The following ZNF529 variants were observed in gnomAD, a reference collection of about 807,000 sequenced individuals.
ZNF529 encodes the protein zinc finger protein 529.
In ZNF529, 11 loss-of-function variants were observed where a neutral mutation model predicts 10.1. The ratio of observed to expected loss-of-function variants is 1.09; its 90% confidence interval spans 0.69 to 1.81. The LOEUF is 1.81. Ranked by LOEUF, ZNF529 falls within the 40% of genes most tolerant of loss-of-function variation. The probability of loss-of-function intolerance (pLI) is 0.00; values close to 1 mark genes in which losing one functional copy is unlikely to be tolerated. For synonymous variants in ZNF529, 204 were observed against 215.7 expected, an observed-to-expected ratio of 0.95 and a Z score of 0.47; for missense variants, 624 against 666.8, an observed-to-expected ratio of 0.94 and a Z score of 0.71.
chr19:36,578,841 G>T (rs2145234833), intron 2 of ZNF529, among the ~76,000 whole-genome samples: 1 of 151,628 alleles, frequency 6.6e-6, no homozygotes, highest in Non-Finnish European at 1.5e-5. Context: ...CAAGTGATCT[G>T]CCAGCCTTGG....
intron 2 of ZNF529, among the ~76,000 whole-genome samples, chr19:36,588,996 G>A (rs1459122915): frequency 6.7e-6 from 1 of 149,746 alleles, no homozygotes; most frequent in Non-Finnish European, 1.5e-5. Flanking sequence ...AGGCTGGAGT[G>A]CAATGGCACA....
intron 2 of ZNF529, chr19:36,582,605 G>A (rs1192429283): frequency 6.6e-6 from 1 of 151,812 alleles, no homozygotes; most frequent in African/African-American, 2.4e-5. Context: ...CTACTCGGGA[G>A]GCTGAGGCAG....
chr19:36,576,713 T>C (rs1288365345), upstream of ZNF529, among the ~76,000 whole-genome samples: 1 of 147,922 alleles, frequency 6.8e-6, no homozygotes, highest in Non-Finnish European at 1.5e-5. Flanking sequence ...CAAGACTCCG[T>C]CTCAAAATAA....
chr19:36,572,457 T>G lies in ZNF529; in HGVS notation c.-46-65A>C. The G allele has an allele frequency of 2.3e-6, 3 of 1,302,304 alleles. No individual in the cohort carries two copies. The South Asian group carries it at 4.0e-5, about 18-fold the overall frequency. 80.7% of individuals were successfully genotyped at this position (1,302,304 alleles called of 1,614,324 possible). ...GACTGGTTAAATAAGAACACAGTGT[T>G]CACCACCAGAAAAGCCCATCACACA... On this transcript the variant is annotated intron_variant, in intron 1 of 4. Transcript: ENST00000591340.
intron 2 of ZNF529, among the ~76,000 whole-genome samples, chr19:36,562,302 A>G (rs1176028747): frequency 1.3e-5 from 2 of 152,216 alleles, no homozygotes; most frequent in African/African-American, 4.8e-5. Context: ...TCACAGGTAC[A>G]GGACTAGAGA....
intron 2 of ZNF529, among the ~76,000 whole-genome samples, chr19:36,566,389 A>G (rs1037792970): frequency 2.0e-5 from 3 of 152,192 alleles, no homozygotes; most frequent in Non-Finnish European, 2.9e-5. Flanking sequence ...CAATAAGTTA[A>G]TTAAAACCAA....
At chr19:36,584,140 A>G (rs1461742142) in intron 2 of ZNF529, among the ~76,000 whole-genome samples, 1 of 152,068 alleles carries the variant, frequency 6.6e-6, no homozygotes, top group African/African-American at 2.4e-5. Flanking sequence ...GAAAAACAGA[A>G]AAGACATGCT....
At chr19:36,562,592 T>C (rs958334003) in intron 2 of ZNF529, among the ~76,000 whole-genome samples, 4 of 151,558 alleles carry the variant, frequency 2.6e-5, no homozygotes, top group Admixed American at 6.6e-5. Context: ...TCCTAGCACT[T>C]TGGGAGGCCG....
chr19:36,583,118 C>T (rs533210973), intron 2 of ZNF529, among the ~76,000 whole-genome samples: 1 of 152,218 alleles, frequency 6.6e-6, no homozygotes, highest in Non-Finnish European at 1.5e-5. Context: ...AGGCTAGTGG[C>T]ATGATCATGA....
chr19:36,549,174 G>A (rs2035167946), intron 4 of ZNF529, among the ~76,000 whole-genome samples: 1 of 151,598 alleles, frequency 6.6e-6, no homozygotes, highest in East Asian at 1.9e-4. Flanking sequence ...CTCAGAAAGG[G>A]CATATTAGTT....
Position 36,602,810 on chromosome 19 carries a change from A to G in ZNF529, c.-128+2316T>C, listed in dbSNP as rs149096948. The stretch of plus-strand genomic sequence containing the variant: ...CCAGGCATGGTGGCGCATGCCTGTA[A>G]TCCCAGCTACTCGGGAGGCTGAGGG... On this transcript the variant is annotated intron_variant, in intron 1 of 4. Coordinates refer to the ZNF529 transcript ENST00000585960. 7.7e-4 allele frequency among the ~76,000 whole-genome samples: 117 copies of G among 152,074 alleles called. 1 individual carries two copies. In the East Asian group the frequency reaches 0.019, roughly 24 times the overall value.
At chr19:36,559,880 C>T (rs3108548) in intron 2 of ZNF529, among the ~76,000 whole-genome samples, 50,873 of 151,902 alleles carry the variant, frequency 0.33, 9,000 homozygotes, top group African/African-American at 0.46. Flanking sequence ...TTATTGCTAG[C>T]TGACTGACCT....
At chr19:36,556,974 G>A (rs73929007) in intron 2 of ZNF529, among the ~76,000 whole-genome samples, 1,535 of 152,224 alleles carry the variant, frequency 0.01, 18 homozygotes, top group African/African-American at 0.034. Context: ...TATACTGTAG[G>A]GTGGCTTGTT....
At chr19:36,595,698 C>CA (rs1177510121) in intron 1 of ZNF529, among the ~76,000 whole-genome samples, 14 of 151,288 alleles carry the variant, frequency 9.3e-5, no homozygotes, top group African/African-American at 3.4e-4. Context: ...GACTCTGTCT[C>CA]AAAAAACAAA....
intron 2 of ZNF529, among the ~76,000 whole-genome samples, chr19:36,586,372 C>T (rs764097285): frequency 3.0e-4 from 45 of 151,740 alleles, no homozygotes; most frequent in Middle Eastern, 6.8e-3. Flanking sequence ...TTTGGGAGGC[C>T]GAGGCAGGTG....
At chr19:36,597,744 T>C (rs1217054482) in intron 1 of ZNF529, among the ~76,000 whole-genome samples, 1 of 152,172 alleles carries the variant, frequency 6.6e-6, no homozygotes, top group Non-Finnish European at 1.5e-5. Flanking sequence ...AATGGAATAC[T>C]ACACAGCAAA....
chr19:36,549,702 C>CA (rs2035188054), intron 4 of ZNF529, among the ~76,000 whole-genome samples: 1 of 152,166 alleles, frequency 6.6e-6, no homozygotes, highest in Non-Finnish European at 1.5e-5. Flanking sequence ...TGAAGAAATA[C>CA]AATCGGGATG....
chr19:36,548,005 C>G lies in ZNF529; in HGVS notation c.553G>C (p.Glu185Gln). The G allele has an allele frequency of 6.2e-7, 1 of 1,613,698 alleles. No homozygotes were observed. The highest frequency in any genetic ancestry group is 8.5e-7 in the Non-Finnish European group (1 of 1,179,806). Residue 185 changes from glutamate to glutamine, a missense_variant, in exon 5 of 5, where the codon GAG (glutamate) becomes CAG (glutamine). Glu to Gln is a conservative substitution (Grantham distance 29). Transcript: ENST00000591340. ...EYEKVFSCDL[E>Q]FDEYQKIHTG... ...TGTATTTTCTGATATTCATCAAACT[C>G]TAAGTCACAACTGAAGACCTTCTCA... is the stretch of plus-strand genomic sequence containing the variant.
At chr19:36,573,042 C>T (rs2036199263) in intron 1 of ZNF529, 98 bp downstream of exon 1, 1 of 173,002 alleles carries the variant, frequency 5.8e-6, no homozygotes, top group South Asian at 1.2e-4. Flanking sequence ...CCCCTACTCA[C>T]CGTCCTGAGT....
Sources: allele counts gnomAD v4.1 joint callset (sites outside exome capture counted in the v4.1 genomes callset), GRCh38; gene constraint gnomAD v4.1.1; transcripts MANE v1.5; gene names NCBI Gene and HGNC (gene_info 2026-07-23, HGNC 2026-07-21).